Variants in ZEB1 observed in about 807,000 individuals in gnomAD.
ZEB1 encodes zinc finger E-box binding homeobox 1, also known as zinc finger E-box-binding homeobox 1.
Under a neutral mutation model 84.9 loss-of-function variants are expected in ZEB1, and 21 were observed. The observed-to-expected ratio is 0.25, with a 90% CI of 0.18 to 0.36. ZEB1 has a LOEUF of 0.36. Ranked by LOEUF, ZEB1 falls within the 10% of genes least tolerant of loss-of-function variation. The pLI, the probability that ZEB1 is intolerant of heterozygous loss-of-function variation, is 1.00. For missense variants in ZEB1, 1,104 were observed against 1,330.2 expected, an observed-to-expected ratio of 0.83 and a Z score of 2.65; for synonymous variants, 420 against 471.1, an observed-to-expected ratio of 0.89 and a Z score of 1.41.
At chr10:31,518,108 G>T (rs1322942525) in intron 6 of ZEB1, among the ~76,000 whole-genome samples, 1 of 152,170 alleles carries the variant, frequency 6.6e-6, no homozygotes, top group Non-Finnish European at 1.5e-5. Context: ...ATGTAAAAAT[G>T]TTATCAAGTA....
intron 1 of ZEB1, among the ~76,000 whole-genome samples, chr10:31,356,302 T>C (rs776249944): frequency 1.3e-5 from 2 of 151,982 alleles, no homozygotes; most frequent in Non-Finnish European, 2.9e-5. Flanking sequence ...ATAATTTGAC[T>C]TCCTGATTTA....
intron 1 of ZEB1, among the ~76,000 whole-genome samples, chr10:31,390,994 C>T (rs933213073): frequency 2.0e-5 from 3 of 152,134 alleles, no homozygotes; most frequent in Non-Finnish European, 2.9e-5. Flanking sequence ...ATTGCACCAC[C>T]TCTCTCCAGA....
intron 1 of ZEB1, among the ~76,000 whole-genome samples, chr10:31,384,622 G>A (rs1450159873): frequency 6.6e-6 from 1 of 152,160 alleles, no homozygotes; most frequent in Non-Finnish European, 1.5e-5. Flanking sequence ...AGTTTTGTAG[G>A]GAACTTAAAA....
chr10:31,480,481 T>A (rs2064898930), intron 2 of ZEB1, among the ~76,000 whole-genome samples: 1 of 152,058 alleles, frequency 6.6e-6, no homozygotes, highest in African/African-American at 2.4e-5. Flanking sequence ...AGCACATGGC[T>A]TCTAGTCTTC....
At chr10:31,330,384 T>A (rs936290722) in intron 1 of ZEB1, among the ~76,000 whole-genome samples, 5 of 152,142 alleles carry the variant, frequency 3.3e-5, no homozygotes, top group Non-Finnish European at 7.4e-5. Context: ...GTTCTTCATG[T>A]CCTTGACACA....
In ZEB1 at chr10:31,514,622, G is replaced by A; in HGVS notation, c.707G>A (p.Gly236Glu). The A allele has an allele frequency of 6.2e-7, 1 of 1,612,480 alleles. No individual in the cohort carries two copies. The highest frequency in any genetic ancestry group is 8.5e-7 in the Non-Finnish European group (1 of 1,178,956). The change falls in exon 6 of 9, where the codon GGG becomes GAG. Residue 236 changes from glycine (G) to glutamate (E), a missense_variant. Coordinates refer to ENST00000424869, the MANE Select transcript of ZEB1 (RefSeq NM_001174096.2). ...TTACAGAGACATGTGACGCAGTCTG[G>A]GTGTAATCGTAAATTCAAATGCACT... ...GRDQRHVTQS[G>E]CNRKFKCTEC...
chr10:31,432,362 G>A (rs1004779207), intron 1 of ZEB1, among the ~76,000 whole-genome samples: 1 of 152,310 alleles, frequency 6.6e-6, no homozygotes, highest in Admixed American at 6.5e-5. Context: ...GCCAAGGCAG[G>A]TGGATTGCTT....
At chr10:31,351,352 AT>A (rs1297334563) in intron 1 of ZEB1, among the ~76,000 whole-genome samples, 1 of 152,228 alleles carries the variant, frequency 6.6e-6, no homozygotes, top group East Asian at 1.9e-4. Context: ...TAAATCATTT[AT>A]TTTTTCTAGT....
intron 1 of ZEB1, among the ~76,000 whole-genome samples, chr10:31,393,321 G>C (rs1213470928): frequency 1.3e-5 from 2 of 152,244 alleles, no homozygotes; most frequent in East Asian, 3.9e-4. Context: ...ATTATAAAAA[G>C]TGACCAGATT....
rs770099223 is a variant in ZEB1, at chr10:31,524,013, G to A, written c.2685G>A (p.Lys895=). 6.2e-7 allele frequency: 1 copy of A among 1,613,872 alleles called. No homozygotes were observed. The highest frequency in any genetic ancestry group is 1.1e-5 in the South Asian group (1 of 91,074). ...QNDSDSTPPK[K]KMRKTENGMY... is the part of the protein sequence containing the mutation. ...ACTCTGATTCTACACCGCCCAAAAAGAAAATGCGGAAGACAGAAAATGGAA... is the reference window on the plus strand; with the variant it reads ...ACTCTGATTCTACACCGCCCAAAAAAAAAATGCGGAAGACAGAAAATGGAA... Residue 895 remains lysine, a synonymous_variant, in exon 8 of 9, where the codon AAG becomes AAA. Coordinates refer to ENST00000424869, the MANE Select transcript of ZEB1 (RefSeq NM_001174096.2).
chr10:31,362,761 C>T, intron 1 of ZEB1: 1 of 625,880 alleles, frequency 1.6e-6, no homozygotes. Context: ...ATCTCTTGAT[C>T]TCCTGATCCG....
intron 1 of ZEB1, among the ~76,000 whole-genome samples, chr10:31,323,528 C>A (rs1181174356): frequency 6.6e-6 from 1 of 152,008 alleles, no homozygotes; most frequent in African/African-American, 2.4e-5. Context: ...GTAGCCCTCC[C>A]CCACCTTTTT....
At chr10:31,472,300 T>C (rs1219181164) in intron 2 of ZEB1, among the ~76,000 whole-genome samples, 1 of 140,314 alleles carries the variant, frequency 7.1e-6, no homozygotes, top group Non-Finnish European at 1.5e-5. Flanking sequence ...GTCAAGAAAA[T>C]AGATAGACCA....
Position 31,512,987 on chromosome 10 carries a change from G to A in ZEB1, c.688-1616G>A, listed in dbSNP as rs1565175027. Among the ~76,000 whole-genome samples, 4 of 152,176 alleles carry A rather than the reference G, an allele frequency of 2.6e-5. 1 individual carries two copies. The highest frequency in any genetic ancestry group is 2.6e-4 in the Admixed American group (4 of 15,282). On this transcript the variant is annotated intron_variant, in intron 5 of 8. Coordinates refer to ENST00000424869, the MANE Select transcript of ZEB1 (RefSeq NM_001174096.2). ...GAAAGGTAAGGCCAGAGAGGTGTTGGGGGCTACATATTATAGGCCAAGATA... is the reference window on the plus strand; with the variant it reads ...GAAAGGTAAGGCCAGAGAGGTGTTGAGGGCTACATATTATAGGCCAAGATA...
intron 1 of ZEB1, among the ~76,000 whole-genome samples, chr10:31,396,045 A>G (rs905756614): frequency 5.3e-5 from 8 of 152,204 alleles, no homozygotes; most frequent in Non-Finnish European, 1.2e-4. Context: ...TACAATTTTA[A>G]AAATTAAATG....
At chr10:31,437,710 C>T (rs920347363) in intron 1 of ZEB1, among the ~76,000 whole-genome samples, 2 of 152,120 alleles carry the variant, frequency 1.3e-5, no homozygotes, top group Admixed American at 1.3e-4. Context: ...AGGGAGGATC[C>T]GTCCTCAAAC....
At chr10:31,321,218 T>C in intron 1 of ZEB1, 1 of 1,169,704 alleles carries the variant, frequency 8.5e-7, no homozygotes, top group South Asian at 2.6e-5. Context: ...ATTTCCTGTC[T>C]AGAAGCAGAT....
intron 2 of ZEB1, among the ~76,000 whole-genome samples, chr10:31,468,211 C>T (rs1291499149): frequency 6.6e-6 from 1 of 152,196 alleles, no homozygotes; most frequent in Admixed American, 6.5e-5. Context: ...TTTGCCCCCT[C>T]TAGCCAGCCT....
intron 1 of ZEB1, among the ~76,000 whole-genome samples, chr10:31,452,967 G>A (rs2060788419): frequency 6.6e-6 from 1 of 152,038 alleles, no homozygotes. Context: ...AACTCAAAGT[G>A]TATGTATTTT....
Sources: gnomAD v4.1 joint callset for allele counts (sites outside exome capture counted in the v4.1 genomes callset) on GRCh38, gnomAD v4.1.1 for gene constraint, MANE v1.5 for transcripts, NCBI Gene and HGNC (gene_info 2026-07-23, HGNC 2026-07-21) for gene names.